KGD4: variants seen among roughly 807,000 people sequenced by gnomAD.
KGD4 encodes the protein alpha-ketoglutarate dehydrogenase component 4.
At chr5:69,221,672 C>T in the KGD4 span, among the ~76,000 whole-genome samples, 1 of 151,980 alleles carries the variant, frequency 6.6e-6, no homozygotes, top group African/African-American at 2.4e-5. Flanking sequence ...TAGAATATAA[C>T]ATAGGAGAAA....
chr5:69,225,567 C>CTTTTTT, the KGD4 span, among the ~76,000 whole-genome samples: 1 of 120,268 alleles, frequency 8.3e-6, no homozygotes. Context: ...GCTCAGCCAC[C>CTTTTTT]TTTTTTTTTT....
chr5:69,227,846 T>C, the KGD4 span, among the ~76,000 whole-genome samples: 1 of 152,222 alleles, frequency 6.6e-6, no homozygotes, highest in Admixed American at 6.5e-5. Flanking sequence ...CAGTGGCACA[T>C]GCCTATAATC....
the KGD4 span, among the ~76,000 whole-genome samples, chr5:69,221,310 T>C: frequency 6.6e-6 from 1 of 152,062 alleles, no homozygotes; most frequent in Non-Finnish European, 1.5e-5. Flanking sequence ...GACGCTGCAG[T>C]GAACCACGAT....
the KGD4 span, among the ~76,000 whole-genome samples, chr5:69,219,683 C>T: frequency 3.3e-5 from 5 of 151,528 alleles, no homozygotes; most frequent in Middle Eastern, 3.2e-3. Context: ...TTCGTGATTG[C>T]GCTCTTAAAA....
At chr5:69,218,452 A>G in the KGD4 span, among the ~76,000 whole-genome samples, 2 of 139,934 alleles carry the variant, frequency 1.4e-5, no homozygotes, top group South Asian at 2.4e-4. Flanking sequence ...TTTAATTAGT[A>G]TGTGTGTGTG....
chr5:69,224,550 G>GT, the KGD4 span, among the ~76,000 whole-genome samples: 1 of 152,060 alleles, frequency 6.6e-6, no homozygotes, highest in Non-Finnish European at 1.5e-5. Flanking sequence ...CAAAATGATT[G>GT]TTTTTTCTTC....
the KGD4 span, chr5:69,229,592 A>AAT: frequency 6.0e-6 from 1 of 166,818 alleles, no homozygotes; most frequent in Non-Finnish European, 1.3e-5. Flanking sequence ...GCATGGAAAA[A>AAT]TTTATCAGTC....
the KGD4 span, among the ~76,000 whole-genome samples, chr5:69,227,634 C>T: frequency 7.9e-4 from 120 of 152,154 alleles, no homozygotes; most frequent in Non-Finnish European, 1.2e-3. Context: ...AGAAAACTAC[C>T]CTCATTTACA....
chr5:69,219,275 C>A, the KGD4 span, among the ~76,000 whole-genome samples: 1 of 152,172 alleles, frequency 6.6e-6, no homozygotes, highest in African/African-American at 2.4e-5. Flanking sequence ...CAATTCTACT[C>A]ATAGGTTTAT....
At chr5:69,223,074 CTTTTTTTT>C in the KGD4 span, among the ~76,000 whole-genome samples, 1 of 59,128 alleles carries the variant, frequency 1.7e-5, no homozygotes, top group Non-Finnish European at 2.8e-5. Context: ...CGGTGCGCAG[CTTTTTTTT>C]TTTTTTTTTT....
the KGD4 span, among the ~76,000 whole-genome samples, chr5:69,218,381 C>T: frequency 6.6e-6 from 1 of 152,224 alleles, no homozygotes; most frequent in Admixed American, 6.5e-5. Flanking sequence ...GCGGGTTCTC[C>T]CCAACCTCTC....
chr5:69,217,799 G>A, the KGD4 span: 1 of 1,613,326 alleles, frequency 6.2e-7, no homozygotes, highest in Non-Finnish European at 8.5e-7. Context: ...CGGCTCGCTC[G>A]CGCCCCGGAA....
the KGD4 span, among the ~76,000 whole-genome samples, chr5:69,226,981 C>T: frequency 1.3e-5 from 2 of 152,120 alleles, no homozygotes; most frequent in Admixed American, 6.5e-5. Context: ...AAGCAATTCT[C>T]GTGCTTCAGC....
the KGD4 span, chr5:69,226,376 C>T: frequency 1.3e-5 from 21 of 1,608,466 alleles, no homozygotes; most frequent in South Asian, 2.2e-4. Context: ...GGTTTCCTGA[C>T]AGAAGAGACA....
chr5:69,226,269 T>TA, the KGD4 span: 9 of 1,056,366 alleles, frequency 8.5e-6, no homozygotes, highest in South Asian at 1.2e-4. Context: ...CGTATCTACT[T>TA]ATGAGGTTTA....
the KGD4 span, among the ~76,000 whole-genome samples, chr5:69,222,990 C>T: frequency 2.1e-5 from 3 of 143,676 alleles, 1 homozygote; most frequent in South Asian, 6.9e-4. Context: ...CTTGGCCAGG[C>T]TGGTCTTGAA....
At chr5:69,223,181 C>A in the KGD4 span, among the ~76,000 whole-genome samples, 4 of 140,636 alleles carry the variant, frequency 2.8e-5, no homozygotes, top group Non-Finnish European at 4.5e-5. Context: ...CAGGTTCAAG[C>A]GATTCTCCTG....
chr5:69,228,085 T>C, the KGD4 span: 2 of 787,580 alleles, frequency 2.5e-6, no homozygotes, highest in Non-Finnish European at 3.8e-6. Context: ...TCAAGAGTTA[T>C]TTGAAGAATG....
At chr5:69,228,434 T>C in the KGD4 span, 2 of 1,519,186 alleles carry the variant, frequency 1.3e-6, no homozygotes, top group Non-Finnish European at 8.9e-7. Context: ...CACCATAACA[T>C]TTGGGCTTTG....
Sources: allele counts gnomAD v4.1 joint callset (sites outside exome capture counted in the v4.1 genomes callset), GRCh38; gene constraint gnomAD v4.1.1; transcripts MANE v1.5; gene names NCBI Gene and HGNC (gene_info 2026-07-23, HGNC 2026-07-21).